SYN2: variants seen among roughly 807,000 people sequenced by gnomAD.
SYN2 encodes synapsin II, also known as synapsin-2.
SYN2 carries 19 observed loss-of-function variants against 50.9 expected under a neutral mutation model. The ratio of observed to expected loss-of-function variants is 0.37; its 90% CI spans 0.26 to 0.55. SYN2 has a LOEUF of 0.55. Among genes scored for constraint, SYN2 ranks in the 20% least tolerant of loss-of-function variants. SYN2 has a pLI of 0.81. For missense variants in SYN2, 587 were observed against 576.4 expected (o/e 1.02, Z -0.19); for synonymous variants, 255 against 224.9 (o/e 1.13, Z -1.20).
intron 1 of SYN2, among the ~76,000 whole-genome samples, chr3:12,051,247 C>G (rs573942836): frequency 1.3e-5 from 2 of 151,826 alleles, no homozygotes; most frequent in African/African-American, 2.4e-5. Context: ...TTATAGCTTT[C>G]TAAACAGGAT....
Position 12,028,201 on chromosome 3 carries a change from G to T in SYN2, c.377+23273G>T, listed in dbSNP as rs921214955. ...TCATCCATGTCCCTACAAAGGACATGAACTCATCATTTTTTATGGCTGCTT... is the reference window on the plus strand; with the variant it reads ...TCATCCATGTCCCTACAAAGGACATTAACTCATCATTTTTTATGGCTGCTT... On this transcript the variant is annotated intron_variant, in intron 1 of 12. Coordinates refer to ENST00000621198, the MANE Select transcript of SYN2 (RefSeq NM_133625.6). 2.0e-5 allele frequency among the ~76,000 whole-genome samples: 3 copies of T among 151,630 alleles called. 1 individual carries two copies. The highest frequency in any genetic ancestry group is 7.3e-5 in the African/African-American group (3 of 41,244).
intron 1 of SYN2, among the ~76,000 whole-genome samples, chr3:12,005,487 C>T (rs1041541546): frequency 3.3e-5 from 5 of 151,612 alleles, no homozygotes; most frequent in African/African-American, 1.2e-4. Context: ...CCCAGGTGTA[C>T]ACGGGCTTGT....
intron 1 of SYN2, among the ~76,000 whole-genome samples, chr3:12,091,954 C>G (rs1695839592): frequency 6.6e-6 from 1 of 152,166 alleles, no homozygotes; most frequent in Non-Finnish European, 1.5e-5. Flanking sequence ...CTTTGGCCAA[C>G]TGACAAAATA....
At chr3:12,047,422 T>C (rs1346517604) in intron 1 of SYN2, among the ~76,000 whole-genome samples, 2 of 152,204 alleles carry the variant, frequency 1.3e-5, no homozygotes, top group Non-Finnish European at 2.9e-5. Flanking sequence ...GGGGTACTAT[T>C]TGAAGGAAAT....
At chr3:12,110,920 C>T (rs999550374) in intron 1 of SYN2, among the ~76,000 whole-genome samples, 1 of 152,214 alleles carries the variant, frequency 6.6e-6, no homozygotes, top group African/African-American at 2.4e-5. Context: ...AGGGACTTGC[C>T]TTGTCTTGGA....
In SYN2 at chr3:12,129,994, G is replaced by C. The variant is rs190109483; in HGVS notation, c.378-10657G>C. Among the ~76,000 whole-genome samples the C allele has an allele frequency of 2.0e-5, 3 of 152,242 alleles. No individual in the cohort carries two copies. In the East Asian group the frequency reaches 5.8e-4, roughly 29 times the overall value. Reference sequence around the variant, plus strand: ...CACATGTGAGGACACAGAGAAGGCAGCTGCAAACCAGGAAGAGTGCCCTCA... The same window carrying C: ...CACATGTGAGGACACAGAGAAGGCACCTGCAAACCAGGAAGAGTGCCCTCA... On this transcript the variant is annotated intron_variant, in intron 1 of 12. Coordinates refer to ENST00000621198, the MANE Select transcript of SYN2 (RefSeq NM_133625.6).
At chr3:12,148,747 A>G (rs1049143398) in intron 4 of SYN2, 1 of 152,140 alleles carries the variant, frequency 6.6e-6, no homozygotes, top group Non-Finnish European at 1.5e-5. Context: ...TAAATCATTT[A>G]ATTTCCAGGA....
intron 10 of SYN2, among the ~76,000 whole-genome samples, chr3:12,179,649 G>A (rs183331846): frequency 8.0e-4 from 122 of 152,272 alleles, no homozygotes; most frequent in Middle Eastern, 6.8e-3. Context: ...TGTGACTCAG[G>A]ATAAGTAACT....
intron 1 of SYN2, among the ~76,000 whole-genome samples, chr3:12,025,427 A>T (rs927966948): frequency 2.6e-5 from 4 of 152,214 alleles, no homozygotes; most frequent in African/African-American, 4.8e-5. Flanking sequence ...CCTGCTGTGT[A>T]TGAGATACTG....
Position 12,004,668 on chromosome 3 carries a change from C to T in SYN2, c.117C>T (p.Pro39=). The change falls in exon 1 of 13, where the codon CCC becomes CCT. Residue 39 remains proline, a synonymous_variant. Transcript: ENST00000621198. ...CCCAGCAGCCGCCGCCGCCGCCGCC[C>T]CCCGGTCCGGGCGCCGCCTCGGCCT... ...PEPQQPPPPP[P]PGPGAASASA... is the part of the protein sequence containing the mutation. 3.2e-6 allele frequency: 1 copy of T among 312,750 alleles called. No individual in the cohort carries two copies. Among genetic ancestry groups the T allele is most frequent in the Non-Finnish European group, 6.0e-6 (1 of 167,102 alleles). 19.4% of individuals were successfully genotyped at this position (312,750 alleles called of 1,614,324 possible). A position where few individuals can be genotyped will look rare whatever the true frequency, so the allele number is the denominator to read the frequency against.
In SYN2 at chr3:12,145,854, C is replaced by G. The variant is rs1697138828; in HGVS notation, c.684+19C>G. ...ATGGGTGGTGAGTGAGGCCCCCTTC[C>G]CCCAAGTAAAAGGGTAGGATTCAGG... On this transcript the variant is annotated intron_variant, in intron 4 of 12. Coordinates refer to ENST00000621198, the MANE Select transcript of SYN2 (RefSeq NM_133625.6). 6.2e-7 allele frequency: 1 copy of G among 1,613,104 alleles called. No individual in the cohort carries two copies. Among genetic ancestry groups the G allele is most frequent in the Non-Finnish European group, 8.5e-7 (1 of 1,179,534 alleles).
intron 5 of SYN2, among the ~76,000 whole-genome samples, chr3:12,151,853 C>T (rs1470822866): frequency 6.6e-6 from 1 of 152,182 alleles, no homozygotes; most frequent in Admixed American, 6.5e-5. Context: ...GGCGCTTCCA[C>T]AACTGTGATA....
At chr3:12,091,420 A>C (rs758998738) in intron 1 of SYN2, among the ~76,000 whole-genome samples, 11 of 152,192 alleles carry the variant, frequency 7.2e-5, no homozygotes, top group Non-Finnish European at 1.5e-4. Flanking sequence ...CTATATGGGA[A>C]AATTTAATTA....
At chr3:12,126,905 T>C (rs369737937) in intron 1 of SYN2, among the ~76,000 whole-genome samples, 34 of 152,366 alleles carry the variant, frequency 2.2e-4, no homozygotes, top group African/African-American at 6.7e-4. Flanking sequence ...CACTAATTTA[T>C]TTTTATTCTT....
intron 1 of SYN2, among the ~76,000 whole-genome samples, chr3:12,087,841 T>C (rs534188075): frequency 6.6e-6 from 1 of 152,178 alleles, no homozygotes; most frequent in East Asian, 1.9e-4. Context: ...AAGGACAGTC[T>C]CTTCAATAAA....
intron 1 of SYN2, among the ~76,000 whole-genome samples, chr3:12,069,029 C>G (rs1559407363): frequency 6.6e-6 from 1 of 152,218 alleles, no homozygotes. Context: ...TATATGGTCT[C>G]CTGTCATTGG....
chr3:12,154,328 TG>T, intron 5 of SYN2: 1 of 1,614,216 alleles, frequency 6.2e-7, no homozygotes, highest in East Asian at 2.2e-5. Context: ...TTCCCTTACT[TG>T]GCAGCCACAG....
At chr3:12,174,084 C>G (rs1004036867) in intron 10 of SYN2, among the ~76,000 whole-genome samples, 9 of 152,066 alleles carry the variant, frequency 5.9e-5, no homozygotes, top group Non-Finnish European at 1.2e-4. Context: ...TTGGCTTCCC[C>G]TTCTTGGCCT....
At chr3:12,017,675 T>C (rs1694052360) in intron 1 of SYN2, among the ~76,000 whole-genome samples, 1 of 152,212 alleles carries the variant, frequency 6.6e-6, no homozygotes, top group Non-Finnish European at 1.5e-5. Context: ...TTGACAGATG[T>C]TCAGTGAATG....
Sources: allele counts gnomAD v4.1 joint callset (sites outside exome capture counted in the v4.1 genomes callset), GRCh38; gene constraint gnomAD v4.1.1; transcripts MANE v1.5; gene names NCBI Gene and HGNC (gene_info 2026-07-23, HGNC 2026-07-21).